Variants in ACOT7 observed in about 807,000 individuals in gnomAD.
ACOT7 encodes the protein cytosolic acyl coenzyme A thioester hydrolase.
In ACOT7, 12 loss-of-function variants were observed where a neutral mutation model predicts 40.2. The observed-to-expected ratio is 0.30, with a 90% confidence interval of 0.19 to 0.48. The LOEUF (loss-of-function observed/expected upper bound fraction) is 0.48, where lower values mean the gene tolerates loss of function less well. ACOT7 is among the 20% of genes least tolerant of loss of function. The probability of loss-of-function intolerance (pLI) is 0.99; values close to 1 mark genes in which losing one functional copy is unlikely to be tolerated. For synonymous variants in ACOT7, 228 were observed against 219.5 expected, an observed-to-expected ratio of 1.04 and a Z score of -0.34; for missense variants, 395 against 530.8, an observed-to-expected ratio of 0.74 and a Z score of 2.51.
chr1:6,388,996 G>A (rs1396022437), intron 1 of ACOT7, among the ~76,000 whole-genome samples: 27 of 147,384 alleles, frequency 1.8e-4, no homozygotes, highest in Admixed American at 2.7e-4. Flanking sequence ...AGCCGAGATC[G>A]CGCCACTGCA....
intron 2 of ACOT7, among the ~76,000 whole-genome samples, chr1:6,347,285 T>C (rs1481135150): frequency 2.0e-5 from 3 of 152,154 alleles, no homozygotes; most frequent in Admixed American, 6.5e-5. Flanking sequence ...TCCAAGCCAA[T>C]GTGTCAAAAC....
chr1:6,270,416 G>A (rs1368004431), intron 8 of ACOT7, among the ~76,000 whole-genome samples: 5 of 152,196 alleles, frequency 3.3e-5, no homozygotes, highest in Admixed American at 2.6e-4. Flanking sequence ...CTGGCCAGTG[G>A]TGCCAGCTGC....
intron 6 of ACOT7, 21 bp from the exon 7 acceptor site, chr1:6,295,001 G>A (rs372156502): frequency 8.3e-6 from 13 of 1,567,116 alleles, no homozygotes; most frequent in Middle Eastern, 1.7e-4. Context: ...AGGGACATGC[G>A]GCAGATGAGA....
At chr1:6,269,205 G>A (rs1186042813) in intron 8 of ACOT7, among the ~76,000 whole-genome samples, 2 of 152,196 alleles carry the variant, frequency 1.3e-5, no homozygotes, top group African/African-American at 4.8e-5. Context: ...TTTAAACCTG[G>A]GCATGGGGGC....
chr1:6,335,624 A>G (rs897071914), intron 3 of ACOT7, among the ~76,000 whole-genome samples: 1 of 152,184 alleles, frequency 6.6e-6, no homozygotes, highest in Non-Finnish European at 1.5e-5. Flanking sequence ...CCCCCAGAGG[A>G]GCTCACTTCC....
chr1:6,341,819 C>CA (rs971928579), intron 2 of ACOT7, among the ~76,000 whole-genome samples: 2 of 152,160 alleles, frequency 1.3e-5, no homozygotes, highest in Non-Finnish European at 2.9e-5. Flanking sequence ...GTAAAAGGAA[C>CA]AAAAAAGCCT....
At chr1:6,291,671 G>A (rs886881056) in intron 7 of ACOT7, among the ~76,000 whole-genome samples, 9 of 152,188 alleles carry the variant, frequency 5.9e-5, no homozygotes, top group Admixed American at 1.3e-4. Context: ...GCCCCCACCC[G>A]GCAGGGCAGC....
chr1:6,295,733 A>G (rs552106908), intron 6 of ACOT7, among the ~76,000 whole-genome samples: 16 of 152,314 alleles, frequency 1.1e-4, no homozygotes, highest in African/African-American at 3.8e-4. Context: ...GTCCATGGGG[A>G]CAGAGGGTAG....
At chr1:6,379,798 G>GGT (rs1268884655) in intron 1 of ACOT7, among the ~76,000 whole-genome samples, 2 of 151,730 alleles carry the variant, frequency 1.3e-5, no homozygotes, top group African/African-American at 4.8e-5. Flanking sequence ...CAGGTGTGGT[G>GGT]GCCTATAATC....
Position 6,330,440 on chromosome 1 carries a change from G to C in ACOT7, c.511-3027C>G, listed in dbSNP as rs1640924529. Among the ~76,000 whole-genome samples, 1 of 152,196 alleles carries C rather than the reference G, an allele frequency of 6.6e-6. No individual in the cohort carries two copies. The highest frequency in any genetic ancestry group is 1.5e-5 in the Non-Finnish European group (1 of 68,032). On this transcript the variant is annotated intron_variant, in intron 4 of 8. Coordinates refer to ENST00000361521, the MANE Select transcript of ACOT7 (RefSeq NM_007274.4). The surrounding 1 kb of genome is among the most constrained non-coding windows in gnomAD (Gnocchi z 4.6). ...TGTGTTGGGGGGAAGATGGTGCAAA[G>C]AGCTCTGAACAACAGCTGCAGCTGA...
intron 7 of ACOT7, among the ~76,000 whole-genome samples, chr1:6,292,491 G>GA (rs1264079854): frequency 1.3e-5 from 2 of 152,210 alleles, no homozygotes; most frequent in East Asian, 3.8e-4. Context: ...AGTTGCCCCA[G>GA]ATGTCTTCTA....
rs1273249136 is a variant in ACOT7 at position 6,306,264 on chromosome 1, TCAAC to T, written c.713-11288_713-11285del. On this transcript the variant is annotated intron_variant, in intron 6 of 8. Transcript: ENST00000361521. The surrounding 1 kb of genome is among the most constrained non-coding windows in gnomAD (Gnocchi z 4.3). ...CGTTCTTACGGTTCATGGCAAGACCTCAACCAAATACTCCATATTTCTGGAAAGG... is the reference window on the plus strand; with the variant it reads ...CGTTCTTACGGTTCATGGCAAGACCTCAAATACTCCATATTTCTGGAAAGG... 1.0e-6 allele frequency: 1 copy of T among 984,272 alleles called. No homozygotes were observed. Among genetic ancestry groups the T allele is most frequent in the Non-Finnish European group, 1.2e-6 (1 of 829,794 alleles). 61.0% of individuals were successfully genotyped at this position (984,272 alleles called of 1,614,324 possible).
At chr1:6,388,267 G>A (rs1392009994) in intron 1 of ACOT7, among the ~76,000 whole-genome samples, 7 of 151,794 alleles carry the variant, frequency 4.6e-5, no homozygotes, top group African/African-American at 7.3e-5. Flanking sequence ...ACACCGCCAC[G>A]CCCGCCTAAT....
chr1:6,316,638 C>T (rs1445831157), intron 6 of ACOT7, among the ~76,000 whole-genome samples: 1 of 152,184 alleles, frequency 6.6e-6, no homozygotes, highest in Admixed American at 6.5e-5. Flanking sequence ...AGTAAAACCC[C>T]ATCTCTACTT....
In ACOT7 at chr1:6,306,980, T is replaced by C; in HGVS notation, c.712+11512A>G. The C allele has an allele frequency of 8.2e-7, 1 of 1,215,502 alleles. No homozygotes were observed. Among genetic ancestry groups the C allele is most frequent in the South Asian group, 1.3e-5 (1 of 78,576 alleles). 75.3% of individuals were successfully genotyped at this position (1,215,502 alleles called of 1,614,324 possible). On this transcript the variant is annotated intron_variant, in intron 6 of 8. Transcript: ENST00000361521. This position sits in a 1 kb window ranked among gnomAD's most constrained non-coding sequence, Gnocchi z 4.3. ...GCCTCACTTGCGTCCCCTCCCATGT[T>C]TTCTCTGCCTTCCCTTTCCTCTGCC...
rs185166054 is a variant in ACOT7 at position 6,311,757 on chromosome 1, G to A, written c.712+6735C>T. ...AAGGGAAACACACTCATGGACACAC[G>A]AGTCCAGGAGCGCCCCTTTCTCACA... On this transcript the variant is annotated intron_variant, in intron 6 of 8. Coordinates refer to ENST00000361521, the MANE Select transcript of ACOT7 (RefSeq NM_007274.4). This position sits in a 1 kb window ranked among gnomAD's most constrained non-coding sequence, Gnocchi z 5.2. 2.6e-5 allele frequency among the ~76,000 whole-genome samples: 4 copies of A among 152,288 alleles called. No individual in the cohort carries two copies. Among genetic ancestry groups the A allele is most frequent in the Non-Finnish European group, 4.4e-5 (3 of 68,026 alleles).
chr1:6,317,580 G>A (rs1280890278), intron 6 of ACOT7, among the ~76,000 whole-genome samples: 3 of 152,106 alleles, frequency 2.0e-5, no homozygotes, highest in Admixed American at 6.5e-5. Flanking sequence ...TGGGGCCATC[G>A]GTGCCCTGCA....
At chr1:6,341,569 C>T (rs1406508570) in intron 2 of ACOT7, among the ~76,000 whole-genome samples, 1 of 152,082 alleles carries the variant, frequency 6.6e-6, no homozygotes, top group Admixed American at 6.5e-5. Flanking sequence ...GGTGAAACCC[C>T]GTCTCTACTA....
At chr1:6,312,141 G>C (rs1640349393) in intron 6 of ACOT7, among the ~76,000 whole-genome samples, 1 of 152,148 alleles carries the variant, frequency 6.6e-6, no homozygotes, top group Non-Finnish European at 1.5e-5. Flanking sequence ...CGGTAGAGCT[G>C]GTGGCCGGGG....
Sources: allele counts gnomAD v4.1 joint callset (sites outside exome capture counted in the v4.1 genomes callset), GRCh38; gene constraint gnomAD v4.1.1; non-coding constraint Gnocchi (gnomAD v3.1); transcripts MANE v1.5; gene names NCBI Gene and HGNC (gene_info 2026-07-23, HGNC 2026-07-21).